Variants in CDH13 observed in about 807,000 individuals in gnomAD.
The protein encoded by CDH13 is cadherin 13, also known as cadherin-13.
Under a neutral mutation model 63.8 loss-of-function variants are expected in CDH13, and 24 were observed. The ratio of observed to expected loss-of-function variants is 0.38; its 90% CI spans 0.27 to 0.53. The LOEUF is 0.53. CDH13 is among the 20% of genes least tolerant of loss of function. The probability of loss-of-function intolerance (pLI) is 0.85; values close to 1 mark genes in which losing one functional copy is unlikely to be tolerated. For synonymous variants in CDH13, 503 were observed against 355.3 expected, an observed-to-expected ratio of 1.42 and a Z score of -4.67; for missense variants, 1,049 against 903.1, an observed-to-expected ratio of 1.16 and a Z score of -2.07.
chr16:83,055,400 A>G (rs2030818636), intron 3 of CDH13, among the ~76,000 whole-genome samples: 1 of 151,774 alleles, frequency 6.6e-6, no homozygotes, highest in East Asian at 1.9e-4. Context: ...AAAAGAAAAG[A>G]CACTATGGCT....
intron 8 of CDH13, among the ~76,000 whole-genome samples, chr16:83,661,810 C>T (rs923085468): frequency 2.0e-5 from 3 of 152,178 alleles, no homozygotes; most frequent in Admixed American, 2.0e-4. Flanking sequence ...GGAAATATCT[C>T]ATAGGAAATG....
chr16:82,778,527 T>TGTTG (rs2035601170), intron 1 of CDH13, among the ~76,000 whole-genome samples: 1 of 149,246 alleles, frequency 6.7e-6, no homozygotes, highest in Admixed American at 6.7e-5. Context: ...CTTAAGACCT[T>TGTTG]GTTGTAGCTT....
At chr16:83,705,931 C>T (rs570745991) in intron 10 of CDH13, among the ~76,000 whole-genome samples, 39 of 152,150 alleles carry the variant, frequency 2.6e-4, no homozygotes, top group Admixed American at 2.6e-3. Flanking sequence ...TGCCCTAGGG[C>T]TGGTTGCCTC....
intron 6 of CDH13, among the ~76,000 whole-genome samples, chr16:83,451,713 C>G (rs897189298): frequency 2.6e-5 from 4 of 152,096 alleles, no homozygotes; most frequent in Admixed American, 2.6e-4. Flanking sequence ...AGACGAGGTC[C>G]CACTATATTA....
chr16:83,671,003 T>C (rs755588688), intron 9 of CDH13, 31 bp downstream of exon 9: 2 of 1,544,816 alleles, frequency 1.3e-6, no homozygotes, highest in South Asian at 2.5e-5. Context: ...CTCTTTCTCC[T>C]CATGCGAGCA....
At chr16:83,315,398 C>G (rs909040212) in intron 5 of CDH13, among the ~76,000 whole-genome samples, 1 of 152,166 alleles carries the variant, frequency 6.6e-6, no homozygotes, top group African/African-American at 2.4e-5. Flanking sequence ...TAGTGCAGAA[C>G]CTTGGAGTTA....
At chr16:83,414,111 A>T (rs576071877) in intron 6 of CDH13, among the ~76,000 whole-genome samples, 1 of 152,228 alleles carries the variant, frequency 6.6e-6, no homozygotes, top group Admixed American at 6.5e-5. Flanking sequence ...CTATAGTTTT[A>T]TAGAAGTACT....
rs138544210 is a variant in CDH13, at chr16:82,690,341, T to C, written c.45+63204T>C. Among the ~76,000 whole-genome samples the C allele has an allele frequency of 4.6e-3, 698 of 152,224 alleles. 5 individuals are homozygous for C. Among genetic ancestry groups the C allele is most frequent in the Middle Eastern group, 0.01 (3 of 292 alleles). On this transcript the variant is annotated intron_variant, in intron 1 of 13. Coordinates refer to ENST00000567109, the MANE Select transcript of CDH13 (RefSeq NM_001257.5). The stretch of plus-strand genomic sequence containing the variant: ...CCTAAAGCATTGCTATTTTTAAATA[T>C]TTAGTTGTATTTTAATATTTAGCTA...
chr16:83,324,634 T>G (rs1293014704), intron 5 of CDH13, among the ~76,000 whole-genome samples: 1 of 152,258 alleles, frequency 6.6e-6, no homozygotes, highest in African/African-American at 2.4e-5. Flanking sequence ...TATCACGTTT[T>G]GTTCATTCAT....
At chr16:83,024,507 C>G (rs1017901600) in intron 2 of CDH13, among the ~76,000 whole-genome samples, 3 of 152,068 alleles carry the variant, frequency 2.0e-5, no homozygotes, top group Admixed American at 1.3e-4. Flanking sequence ...GGCTCTAGAA[C>G]CAGAAACCAC....
intron 7 of CDH13, among the ~76,000 whole-genome samples, chr16:83,526,269 T>G (rs2074957098): frequency 6.6e-6 from 1 of 152,092 alleles, no homozygotes; most frequent in Non-Finnish European, 1.5e-5. Context: ...TTCTGAAAAG[T>G]GCCAGCTCTC....
chr16:83,723,489 C>G (rs1909960676), intron 10 of CDH13, among the ~76,000 whole-genome samples: 1 of 152,184 alleles, frequency 6.6e-6, no homozygotes, highest in Non-Finnish European at 1.5e-5. Flanking sequence ...CTGGAATGTT[C>G]TCCCTTGCCC....
chr16:83,795,036 C>T lies in CDH13; in HGVS notation c.*6C>T, dbSNP rs377275844. 3 of 1,591,726 alleles carry T rather than the reference C, an allele frequency of 1.9e-6. No individual in the cohort carries two copies. The highest frequency in any genetic ancestry group is 2.6e-6 in the Non-Finnish European group (3 of 1,168,758). On this transcript the variant is annotated 3_prime_UTR_variant, in exon 14 of 14. Transcript: ENST00000567109. ...CTCTCTATTCAGGTCTGTGAGAACT[C>T]CTGACGTCTGAAGCTTGACTCCCAA...
intron 4 of CDH13, among the ~76,000 whole-genome samples, chr16:83,180,375 A>C (rs1597475660): frequency 6.6e-6 from 1 of 152,196 alleles, no homozygotes; most frequent in Non-Finnish European, 1.5e-5. Context: ...GTTAGGAACA[A>C]ACAAACTTCC....
chr16:83,684,732 A>T (rs918652614), intron 10 of CDH13, among the ~76,000 whole-genome samples: 1 of 152,238 alleles, frequency 6.6e-6, no homozygotes, highest in African/African-American at 2.4e-5. Flanking sequence ...GTAAAATTTC[A>T]TATCACTGCT....
intron 8 of CDH13, among the ~76,000 whole-genome samples, chr16:83,627,016 C>T (rs1056267835): frequency 6.6e-6 from 1 of 152,036 alleles, no homozygotes; most frequent in African/African-American, 2.4e-5. Context: ...GGCGTTGTGG[C>T]TCATGCCTGT....
At chr16:83,149,935 ATGCCAC>A (rs1253822564) in intron 4 of CDH13, among the ~76,000 whole-genome samples, 6 of 152,216 alleles carry the variant, frequency 3.9e-5, no homozygotes, top group Non-Finnish European at 8.8e-5. Flanking sequence ...AGTTAGCAGC[ATGCCAC>A]TGATTACAAG....
Position 83,752,617 on chromosome 16 carries a change from C to T in CDH13, c.1681+4367C>T, listed in dbSNP as rs568349249. Among the ~76,000 whole-genome samples the T allele has an allele frequency of 1.1e-4, 17 of 152,310 alleles. No homozygotes were observed. In the South Asian group the frequency reaches 2.5e-3, roughly 22 times the overall value. On this transcript the variant is annotated intron_variant, in intron 11 of 13. Transcript: ENST00000567109. ...ACCTAATGATACCTTACAGCTGTTT[C>T]TCATCTTTGAGACTCATTGAGTCTC...
chr16:83,477,157 C>A (rs1285514219), intron 6 of CDH13, among the ~76,000 whole-genome samples: 1 of 152,186 alleles, frequency 6.6e-6, no homozygotes, highest in African/African-American at 2.4e-5. Context: ...CGAATGAAAA[C>A]CTGAAATAAT....
Sources: gnomAD v4.1 joint callset for allele counts (sites outside exome capture counted in the v4.1 genomes callset) on GRCh38, gnomAD v4.1.1 for gene constraint, MANE v1.5 for transcripts, NCBI Gene and HGNC (gene_info 2026-07-23, HGNC 2026-07-21) for gene names.